AK5: variants seen among roughly 807,000 people sequenced by gnomAD.
The protein encoded by AK5 is adenylate kinase isoenzyme 5.
AK5 carries 27 observed loss-of-function variants against 69.5 expected under a neutral mutation model. That is an observed-to-expected ratio of 0.39 (90% CI 0.29 to 0.54). AK5 has a LOEUF of 0.54. Among genes scored for constraint, AK5 ranks in the 20% least tolerant of loss-of-function variants. AK5 has a pLI of 0.71. For synonymous variants in AK5, 260 were observed against 244.4 expected, an observed-to-expected ratio of 1.06 and a Z score of -0.60; for missense variants, 531 against 700.4, an observed-to-expected ratio of 0.76 and a Z score of 2.73.
At chr1:77,372,074 CA>C (rs750504823) in intron 6 of AK5, among the ~76,000 whole-genome samples, 33 of 152,236 alleles carry the variant, frequency 2.2e-4, no homozygotes, top group South Asian at 4.1e-4. Context: ...GTGCTGTTAG[CA>C]TGTCCTTATC....
chr1:77,476,702 G>T (rs568143646), intron 8 of AK5, among the ~76,000 whole-genome samples: 1 of 152,140 alleles, frequency 6.6e-6, no homozygotes, highest in Non-Finnish European at 1.5e-5. Context: ...ACCCACCAGG[G>T]CATCCTGCAC....
chr1:77,374,956 T>C (rs146938775), intron 6 of AK5, among the ~76,000 whole-genome samples: 2 of 152,318 alleles, frequency 1.3e-5, no homozygotes, highest in East Asian at 1.9e-4. Flanking sequence ...TATTTTCCTT[T>C]TGACACGGGC....
Position 77,340,288 on chromosome 1 carries a change from C to G in AK5, c.700-89C>G. On this transcript the variant is annotated intron_variant, in intron 5 of 13. Transcript: ENST00000354567. ...TAGAGGGCCAAATATATGGCAGCCTCCACAGAACAAAAGGAAATGAATGCA... is the reference window on the plus strand; with the variant it reads ...TAGAGGGCCAAATATATGGCAGCCTGCACAGAACAAAAGGAAATGAATGCA... 3.8e-6 allele frequency: 5 copies of G among 1,317,106 alleles called. No homozygotes were observed. In the South Asian group the frequency reaches 7.1e-5, roughly 19 times the overall value. 81.6% of individuals were successfully genotyped at this position (1,317,106 alleles called of 1,614,324 possible).
intron 8 of AK5, among the ~76,000 whole-genome samples, chr1:77,424,258 A>G (rs2100596736): frequency 6.6e-6 from 1 of 152,126 alleles, no homozygotes; most frequent in East Asian, 1.9e-4. Flanking sequence ...TCAGACCAGG[A>G]ACATTTTATT....
chr1:77,381,112 G>A (rs562405936), intron 6 of AK5, among the ~76,000 whole-genome samples: 1 of 152,264 alleles, frequency 6.6e-6, no homozygotes, highest in South Asian at 2.1e-4. Flanking sequence ...TTTGTACATT[G>A]GAACCTAGCA....
chr1:77,332,011 C>T (rs1201874477), intron 5 of AK5, among the ~76,000 whole-genome samples: 1 of 152,140 alleles, frequency 6.6e-6, no homozygotes, highest in Non-Finnish European at 1.5e-5. Context: ...CATCATGGCT[C>T]ACTGCAGCCT....
intron 10 of AK5, among the ~76,000 whole-genome samples, chr1:77,493,494 T>C (rs1343596989): frequency 6.6e-6 from 1 of 152,156 alleles, no homozygotes; most frequent in Non-Finnish European, 1.5e-5. Flanking sequence ...ATAATGGGAA[T>C]AATAAGCAAC....
chr1:77,524,554 T>C (rs768470410), intron 12 of AK5, among the ~76,000 whole-genome samples: 2 of 152,240 alleles, frequency 1.3e-5, no homozygotes, highest in East Asian at 1.9e-4. Context: ...ATTAGTGACA[T>C]TGAGCATCTT....
intron 8 of AK5, among the ~76,000 whole-genome samples, chr1:77,449,015 C>A (rs1242973570): frequency 2.0e-5 from 3 of 152,174 alleles, no homozygotes; most frequent in Non-Finnish European, 4.4e-5. Flanking sequence ...GGGGCGGGCT[C>A]TCATAGAGAA....
At chr1:77,390,795 T>G (rs770984548) in intron 6 of AK5, among the ~76,000 whole-genome samples, 24 of 152,294 alleles carry the variant, frequency 1.6e-4, no homozygotes, top group Non-Finnish European at 3.2e-4. Context: ...TTTTTTATGT[T>G]TAAAGATGAA....
intron 10 of AK5, among the ~76,000 whole-genome samples, chr1:77,502,361 G>C (rs1305950808): frequency 1.3e-5 from 2 of 152,138 alleles, no homozygotes; most frequent in Non-Finnish European, 2.9e-5. Flanking sequence ...TGGGGCAGAA[G>C]AACTTGCTTC....
At chr1:77,327,401 A>AAC (rs1409285784) in intron 5 of AK5, among the ~76,000 whole-genome samples, 1 of 151,962 alleles carries the variant, frequency 6.6e-6, no homozygotes, top group African/African-American at 2.4e-5. Context: ...AAAAAAAAAA[A>AAC]AAAAAAACAC....
intron 8 of AK5, among the ~76,000 whole-genome samples, chr1:77,418,404 G>A (rs927893138): frequency 2.0e-5 from 3 of 152,146 alleles, no homozygotes; most frequent in Admixed American, 6.6e-5. Flanking sequence ...GGGAATTATG[G>A]GAGCTACAAG....
chr1:77,546,326 C>T (rs1659542955), intron 13 of AK5, among the ~76,000 whole-genome samples: 1 of 152,192 alleles, frequency 6.6e-6, no homozygotes, highest in Non-Finnish European at 1.5e-5. Flanking sequence ...ATGAATTCTA[C>T]CAGCAAAGAA....
chr1:77,558,911 C>G lies in AK5; in HGVS notation c.*241C>G. ...CACTTCAGACAACTGTCTGCACTCA[C>G]GGCACACACACTTTGTATCATGCAG... On this transcript the variant is annotated 3_prime_UTR_variant, in exon 14 of 14. Transcript: ENST00000354567. 2.1e-6 allele frequency: 1 copy of G among 470,702 alleles called. No individual in the cohort carries two copies. Among genetic ancestry groups the G allele is most frequent in the South Asian group, 2.6e-5 (1 of 38,076 alleles). 29.2% of individuals were successfully genotyped at this position (470,702 alleles called of 1,614,324 possible).
At chr1:77,303,855 CT>C (rs1279194956) in intron 5 of AK5, among the ~76,000 whole-genome samples, 1 of 152,060 alleles carries the variant, frequency 6.6e-6, no homozygotes, top group Non-Finnish European at 1.5e-5. Context: ...CTTTTTTAAA[CT>C]TTTTTTATTT....
chr1:77,368,739 A>G (rs1299076640), intron 6 of AK5, among the ~76,000 whole-genome samples: 1 of 152,184 alleles, frequency 6.6e-6, no homozygotes, highest in African/African-American at 2.4e-5. Context: ...TGAAATGTCA[A>G]GTGTGGAATT....
intron 6 of AK5, among the ~76,000 whole-genome samples, chr1:77,361,145 T>A (rs1471218852): frequency 6.6e-6 from 1 of 152,330 alleles, no homozygotes; most frequent in Admixed American, 6.5e-5. Flanking sequence ...ATCCTATATT[T>A]TACTGTCATT....
chr1:77,394,139 C>T (rs1291424521), intron 6 of AK5, among the ~76,000 whole-genome samples: 1 of 150,872 alleles, frequency 6.6e-6, no homozygotes, highest in African/African-American at 2.4e-5. Context: ...GGAGTGAACC[C>T]GGGAGGCAGA....
Sources: gnomAD v4.1 joint callset for allele counts (sites outside exome capture counted in the v4.1 genomes callset) on GRCh38, gnomAD v4.1.1 for gene constraint, MANE v1.5 for transcripts, NCBI Gene and HGNC (gene_info 2026-07-23, HGNC 2026-07-21) for gene names.